Variants in MYH11 observed in about 807,000 individuals in gnomAD.
MYH11 encodes myosin-11.
MYH11 carries 80 observed loss-of-function variants against 246.6 expected under a neutral mutation model. The observed-to-expected ratio is 0.32, with a 90% CI of 0.27 to 0.39. The LOEUF (loss-of-function observed/expected upper bound fraction) is 0.39, where lower values mean the gene tolerates loss of function less well. Among genes scored for constraint, MYH11 ranks in the 10% least tolerant of loss-of-function variants. The pLI is 1.00. For missense variants in MYH11, 2,158 were observed against 2,546.8 expected (o/e 0.85, Z 3.29); for synonymous variants, 1,071 against 1,015.5 (o/e 1.05, Z -1.04).
intron 14 of MYH11, among the ~76,000 whole-genome samples, chr16:15,754,723 G>A (rs1200740095): frequency 6.6e-6 from 1 of 152,212 alleles, no homozygotes; most frequent in Non-Finnish European, 1.5e-5. Context: ...GAGTGCAGTG[G>A]TGCAGTCTCA....
At chr16:15,770,913 G>T (rs999347905) in intron 9 of MYH11, among the ~76,000 whole-genome samples, 13 of 152,044 alleles carry the variant, frequency 8.6e-5, no homozygotes, top group African/African-American at 3.1e-4. Context: ...CAATGTAGTC[G>T]AGAGAGATAG....
At chr16:15,787,664 G>A (rs572863651) in intron 4 of MYH11, among the ~76,000 whole-genome samples, 3 of 151,596 alleles carry the variant, frequency 2.0e-5, no homozygotes, top group Admixed American at 6.6e-5. Context: ...TAGTAGAGAC[G>A]GGGTTTCACC....
intron 10 of MYH11, among the ~76,000 whole-genome samples, chr16:15,761,932 G>A (rs996354783): frequency 2.0e-5 from 3 of 152,194 alleles, no homozygotes; most frequent in African/African-American, 7.2e-5. Context: ...TGAACCATTT[G>A]TGGGTGTAAG....
At position 15,735,350 on chromosome 16, in the gene MYH11, T is replaced by C. The variant is rs573655820; in HGVS notation, c.3506+16A>G. 1.1e-5 allele frequency: 18 copies of C among 1,613,010 alleles called. No homozygotes were observed. In the South Asian group the frequency reaches 1.9e-4, roughly 17 times the overall value. ...GCAGTGGGATAGCAGGATGGTGGGA[T>C]TGATGGGCCCCTCACCTGAGCTCCT... On this transcript the variant is annotated intron_variant, in intron 26 of 40. Transcript: ENST00000300036.
rs909582372 is a variant in MYH11, at chr16:15,714,655, G to A, written c.5786+254C>T. On this transcript the variant is annotated intron_variant, in intron 40 of 40. Coordinates refer to ENST00000300036, the MANE Select transcript of MYH11 (RefSeq NM_002474.3). ...GATAGCCTCTTCCTCCTCCTCAGCCGGAGGACCGGATGGGAGACGGTCGAT... is the reference window on the plus strand; with the variant it reads ...GATAGCCTCTTCCTCCTCCTCAGCCAGAGGACCGGATGGGAGACGGTCGAT... 16 of 586,684 alleles carry A rather than the reference G, an allele frequency of 2.7e-5. 1 individual carries two copies. The highest frequency in any genetic ancestry group is 4.5e-4 in the Middle Eastern group (1 of 2,214). The allele number at this position is 586,684 out of a possible 1,614,324, so 36.3% of individuals were successfully genotyped here. A position where few individuals can be genotyped will look rare whatever the true frequency, so the allele number is the denominator to read the frequency against.
chr16:15,762,005 C>T (rs1359335308), intron 10 of MYH11, among the ~76,000 whole-genome samples: 1 of 152,202 alleles, frequency 6.6e-6, no homozygotes, highest in African/African-American at 2.4e-5. Flanking sequence ...CACAGAGTCT[C>T]ACTCTGTTAC....
rs140655127 is a variant in MYH11 at position 15,716,379 on chromosome 16, G to C, written c.5504+761C>G. Among the ~76,000 whole-genome samples, 1,099 of 152,324 alleles carry C rather than the reference G, an allele frequency of 7.2e-3. 12 individuals carry two copies. Among genetic ancestry groups the C allele is most frequent in the African/African-American group, 0.026 (1,071 of 41,568 alleles). ...GTGCGAATTACTGAAAAAGCTACTAGAAGAGAATGGGTGAGAATCCTTAGA... is the reference window on the plus strand; with the variant it reads ...GTGCGAATTACTGAAAAAGCTACTACAAGAGAATGGGTGAGAATCCTTAGA... On this transcript the variant is annotated intron_variant, in intron 38 of 40. Transcript: ENST00000300036.
Position 15,758,009 on chromosome 16 carries a change from A to G in MYH11, c.1402-9T>C, listed in dbSNP as rs1244608158. On this transcript the variant is annotated splice_polypyrimidine_tract_variant and intron_variant, in intron 12 of 40. Transcript: ENST00000300036. ...TGCTCGAAGGAGTTCACCTGAGCAC[A>G]TGGCGTGGGGGCGGGGCGTGAGCAT... The G allele has an allele frequency of 1.2e-6, 2 of 1,613,374 alleles. No homozygotes were observed. Among genetic ancestry groups the G allele is most frequent in the African/African-American group, 1.3e-5 (1 of 74,922 alleles).
intron 27 of MYH11, among the ~76,000 whole-genome samples, chr16:15,728,676 G>A (rs1015550989): frequency 2.0e-5 from 3 of 152,148 alleles, no homozygotes; most frequent in Non-Finnish European, 1.5e-5. Context: ...TATGCAGGCA[G>A]GTCACTTGAG....
chr16:15,785,685 A>T (rs1231827924), intron 5 of MYH11: 1 of 152,260 alleles, frequency 6.6e-6, no homozygotes, highest in Non-Finnish European at 1.5e-5. Context: ...ACAAACCTGC[A>T]GACGGAGGCA....
chr16:15,707,586 G>A (rs2151169234), intron 40 of MYH11, among the ~76,000 whole-genome samples: 1 of 152,308 alleles, frequency 6.6e-6, no homozygotes, highest in Non-Finnish European at 1.5e-5. Context: ...AAGTATTTTG[G>A]TAGTGACAGC....
chr16:15,798,767 G>T (rs1184085290), intron 3 of MYH11, 80 bp from the exon 4 acceptor site: 3 of 1,417,288 alleles, frequency 2.1e-6, no homozygotes, highest in Non-Finnish European at 2.0e-6. Context: ...TCCTCCCAGG[G>T]CCCTCCCATT....
At chr16:15,840,801 TAAG>T (rs2044032504) in intron 1 of MYH11, among the ~76,000 whole-genome samples, 1 of 152,158 alleles carries the variant, frequency 6.6e-6, no homozygotes, top group Admixed American at 6.6e-5. Flanking sequence ...ATTTGTCAAT[TAAG>T]AAATAAATTT....
At chr16:15,816,200 G>A (rs892117307) in intron 3 of MYH11, among the ~76,000 whole-genome samples, 1 of 152,136 alleles carries the variant, frequency 6.6e-6, no homozygotes, top group African/African-American at 2.4e-5. Context: ...GCACTAAGGG[G>A]AATTTCAAGG....
At position 15,753,386 on chromosome 16, in the gene MYH11, G is replaced by T; in HGVS notation, c.1864+8C>A. On this transcript the variant is annotated splice_region_variant and intron_variant, in intron 15 of 40. Coordinates refer to ENST00000300036, the MANE Select transcript of MYH11 (RefSeq NM_002474.3). ...GCAGAACATGGACCCGAGCAGAGAA[G>T]GCCTTACCGTCCTTCCACAGGTCGG... 6.2e-7 allele frequency: 1 copy of T among 1,611,398 alleles called. No homozygotes were observed. The highest frequency in any genetic ancestry group is 2.2e-5 in the East Asian group (1 of 44,876).
chr16:15,766,861 A>C (rs1185568921), intron 9 of MYH11, among the ~76,000 whole-genome samples: 1 of 152,202 alleles, frequency 6.6e-6, no homozygotes, highest in Non-Finnish European at 1.5e-5. Context: ...GACAGCAAAG[A>C]AGTAAACCAG....
chr16:15,790,398 C>T (rs2042581413), intron 4 of MYH11, among the ~76,000 whole-genome samples: 1 of 152,092 alleles, frequency 6.6e-6, no homozygotes, highest in South Asian at 2.1e-4. Context: ...CCCACTTTGC[C>T]TGGGATGGGG....
chr16:15,807,765 G>A lies in MYH11; in HGVS notation c.503-9078C>T, dbSNP rs570549306. ...TCCTCCTCCCCAGACTCCCCACCCAGCCTCGGATGTGTAAGGCCCCAGGCA... is the reference window on the plus strand; with the variant it reads ...TCCTCCTCCCCAGACTCCCCACCCAACCTCGGATGTGTAAGGCCCCAGGCA... On this transcript the variant is annotated intron_variant, in intron 3 of 40. Transcript: ENST00000300036. Among the ~76,000 whole-genome samples the A allele has an allele frequency of 3.6e-4, 55 of 152,198 alleles. 1 individual carries two copies. In the South Asian group the frequency reaches 0.011, roughly 31 times the overall value.
rs369194676 is a variant in MYH11 at position 15,786,658 on chromosome 16, T to G, written c.605A>C (p.His202Pro). 3 of 1,614,178 alleles carry G rather than the reference T, an allele frequency of 1.9e-6. No individual in the cohort carries two copies. Among genetic ancestry groups the G allele is most frequent in the Non-Finnish European group, 8.5e-7 (1 of 1,180,024 alleles). The change falls in exon 5 of 41, where the codon CAC (histidine) becomes CCC (proline). Residue 202 changes from histidine (H) to proline (P), a missense_variant. His to Pro is a moderately conservative substitution (Grantham distance 77, BLOSUM62 -2). Transcript: ENST00000300036. Reference sequence around the variant, plus strand: ...GATACTTGTGTCTTTCTTGCCCTTGTGGGAGGAGGCCACCACGGCCAGGTA... The same window carrying G: ...GATACTTGTGTCTTTCTTGCCCTTGGGGGAGGAGGCCACCACGGCCAGGTA... The part of the protein sequence containing the change: ...IQYLAVVASS[H>P]KGKKDTSITG...
Sources: allele counts gnomAD v4.1 joint callset (sites outside exome capture counted in the v4.1 genomes callset), GRCh38; gene constraint gnomAD v4.1.1; transcripts MANE v1.5; gene names NCBI Gene and HGNC (gene_info 2026-07-23, HGNC 2026-07-21).